Variants in GRIA4 observed in about 807,000 individuals in gnomAD.
GRIA4 encodes the protein glutamate ionotropic receptor AMPA type subunit 4, also known as glutamate receptor 4.
Under a neutral mutation model 104.0 loss-of-function variants are expected in GRIA4, and 34 were observed. The ratio of observed to expected loss-of-function variants is 0.33; its 90% CI spans 0.25 to 0.44. The LOEUF (loss-of-function observed/expected upper bound fraction) is 0.44. Ranked by LOEUF, GRIA4 falls within the 20% of genes least tolerant of loss-of-function variation. The probability of loss-of-function intolerance (pLI) is 1.00; values close to 1 mark genes in which losing one functional copy is unlikely to be tolerated. For missense variants in GRIA4, 750 were observed against 1,096.5 expected (o/e 0.68, Z 4.46); for synonymous variants, 386 against 381.9 (o/e 1.01, Z -0.13).
chr11:105,844,698 A>AT (rs1272267765), intron 4 of GRIA4, among the ~76,000 whole-genome samples: 9 of 152,156 alleles, frequency 5.9e-5, no homozygotes, highest in Non-Finnish European at 1.3e-4. Context: ...TTTATCTAGA[A>AT]TTTTTTATTA....
chr11:105,966,396 C>G (rs1334107242), intron 14 of GRIA4, among the ~76,000 whole-genome samples: 1 of 151,934 alleles, frequency 6.6e-6, no homozygotes, highest in African/African-American at 2.4e-5. Context: ...GGGGAGGGAG[C>G]AGGGCGGTAA....
chr11:105,723,211 T>G (rs1937952723), intron 3 of GRIA4, among the ~76,000 whole-genome samples: 1 of 152,100 alleles, frequency 6.6e-6, no homozygotes, highest in South Asian at 2.1e-4. Context: ...AAATGTCAAT[T>G]TAATCAAATT....
chr11:105,887,522 G>A lies in GRIA4; in HGVS notation c.676G>A (p.Val226Ile). The change falls in exon 6 of 17, where the codon GTA becomes ATA. Residue 226 changes from valine to isoleucine, a missense_variant. Around this residue, in one of 3 missense-constraint regions of GRIA4, gnomAD observed 410 missense variants for 502.7 expected, o/e 0.82. Coordinates refer to ENST00000282499, the MANE Select transcript of GRIA4 (RefSeq NM_000829.4). ...TTATTTGCTTATATCTTCACAGATT[G>A]TAAGTGTTGGAAAGCATGTTAAAGG... is the stretch of plus-strand genomic sequence containing the variant. ...ERLQNILEQI[V>I]SVGKHVKGYH... is the part of the protein sequence containing the mutation. 7.4e-7 allele frequency: 1 copy of A among 1,358,742 alleles called. No homozygotes were observed. Among genetic ancestry groups the A allele is most frequent in the Middle Eastern group, 2.0e-4 (1 of 4,894 alleles). The allele number at this position is 1,358,742 out of a possible 1,614,324, so 84.2% of individuals were successfully genotyped here.
intron 4 of GRIA4, among the ~76,000 whole-genome samples, chr11:105,856,119 T>C (rs1944999946): frequency 6.6e-6 from 1 of 152,158 alleles, no homozygotes; most frequent in Admixed American, 6.6e-5. Context: ...TGCATGGTCC[T>C]AAATCTGGCC....
chr11:105,636,587 T>G (rs1422605698), intron 3 of GRIA4, among the ~76,000 whole-genome samples: 1 of 152,222 alleles, frequency 6.6e-6, no homozygotes, highest in Non-Finnish European at 1.5e-5. Context: ...CTCCCCTTTT[T>G]CCCTTGTGTT....
At chr11:105,790,974 C>T (rs1942189372) in intron 4 of GRIA4, among the ~76,000 whole-genome samples, 1 of 152,148 alleles carries the variant, frequency 6.6e-6, no homozygotes, top group South Asian at 2.1e-4. Flanking sequence ...TATTTATCAT[C>T]ATGCAGAGCC....
chr11:105,683,329 T>C (rs1440921036), intron 3 of GRIA4, among the ~76,000 whole-genome samples: 2 of 151,834 alleles, frequency 1.3e-5, no homozygotes, highest in Non-Finnish European at 2.9e-5. Context: ...TCTGTTTATA[T>C]GCAGAATTAA....
intron 4 of GRIA4, among the ~76,000 whole-genome samples, chr11:105,788,130 T>C (rs1942056113): frequency 6.6e-6 from 1 of 152,156 alleles, no homozygotes; most frequent in South Asian, 2.1e-4. Context: ...GTATTTGCAA[T>C]ATGCTGTATT....
chr11:105,692,196 C>T (rs1208529735), intron 3 of GRIA4, among the ~76,000 whole-genome samples: 1 of 151,570 alleles, frequency 6.6e-6, no homozygotes, highest in Admixed American at 6.6e-5. Context: ...TATTAAGAAC[C>T]CCCCATGGGT....
At chr11:105,851,751 G>T (rs1216991039) in intron 4 of GRIA4, among the ~76,000 whole-genome samples, 1 of 152,156 alleles carries the variant, frequency 6.6e-6, no homozygotes, top group Non-Finnish European at 1.5e-5. Flanking sequence ...TGAAAGATTG[G>T]TTTGGGAAGA....
intron 3 of GRIA4, among the ~76,000 whole-genome samples, chr11:105,686,465 A>C (rs1952885563): frequency 6.6e-6 from 1 of 152,178 alleles, no homozygotes; most frequent in Non-Finnish European, 1.5e-5. Flanking sequence ...GTCTTTATCT[A>C]GTCAACCCTT....
chr11:105,932,112 C>A (rs1327668880), intron 13 of GRIA4, among the ~76,000 whole-genome samples: 1 of 151,590 alleles, frequency 6.6e-6, no homozygotes, highest in African/African-American at 2.4e-5. Context: ...AATGCAGTTG[C>A]ACCAGACAAG....
At chr11:105,851,870 G>T (rs557906575) in intron 4 of GRIA4, among the ~76,000 whole-genome samples, 1 of 152,004 alleles carries the variant, frequency 6.6e-6, no homozygotes, top group South Asian at 2.1e-4. Context: ...AAATGTATTT[G>T]TGTATTACTT....
At chr11:105,842,523 A>G (rs1944431130) in intron 4 of GRIA4, among the ~76,000 whole-genome samples, 1 of 152,216 alleles carries the variant, frequency 6.6e-6, no homozygotes, top group Non-Finnish European at 1.5e-5. Context: ...TTGAAGGTAG[A>G]ACCAAAGGGG....
chr11:105,967,910 A>G (rs1022938419), intron 14 of GRIA4, among the ~76,000 whole-genome samples: 6 of 152,126 alleles, frequency 3.9e-5, no homozygotes, highest in African/African-American at 1.4e-4. Context: ...TTTTCAGGTG[A>G]CTGATTTTCT....
intron 3 of GRIA4, among the ~76,000 whole-genome samples, chr11:105,688,152 ATATC>A (rs796951164): frequency 0.063 from 4,462 of 70,286 alleles, 126 homozygotes; most frequent in African/African-American, 0.11. Context: ...ATCTATATCT[ATATC>A]TCTATCTATC....
chr11:105,794,679 A>G (rs964074245), intron 4 of GRIA4, among the ~76,000 whole-genome samples: 3 of 150,174 alleles, frequency 2.0e-5, no homozygotes, highest in Admixed American at 6.7e-5. Context: ...TAGGGATTCA[A>G]TGATAAGACA....
At chr11:105,806,253 G>T (rs1942948855) in intron 4 of GRIA4, among the ~76,000 whole-genome samples, 1 of 151,882 alleles carries the variant, frequency 6.6e-6, no homozygotes, top group Non-Finnish European at 1.5e-5. Context: ...GGGAATAGGA[G>T]AACAAAATTG....
intron 4 of GRIA4, among the ~76,000 whole-genome samples, chr11:105,793,902 A>G (rs1264213042): frequency 6.6e-6 from 1 of 152,190 alleles, no homozygotes; most frequent in Non-Finnish European, 1.5e-5. Flanking sequence ...TGTTTGGAGG[A>G]TTCCTAACCA....
Sources: gnomAD v4.1 joint callset for allele counts (sites outside exome capture counted in the v4.1 genomes callset) on GRCh38, gnomAD v4.1.1 for gene constraint, gnomAD v4.1.1 regional missense constraint, MANE v1.5 for transcripts, NCBI Gene and HGNC (gene_info 2026-07-23, HGNC 2026-07-21) for gene names.